BORA: variants seen among roughly 807,000 people sequenced by gnomAD.
The protein encoded by BORA is BORA aurora kinase A activator.
BORA carries 26 observed loss-of-function variants against 55.8 expected under a neutral mutation model. That is an observed-to-expected ratio of 0.47 (90% CI 0.34 to 0.65). The LOEUF is 0.65. Among genes scored for constraint, BORA ranks in the 30% least tolerant of loss-of-function variants. The pLI, the probability that BORA is intolerant of heterozygous loss-of-function variation, is 0.01. For missense variants in BORA, 568 were observed against 671.5 expected, an observed-to-expected ratio of 0.85 and a Z score of 1.70; for synonymous variants, 201 against 216.9, an observed-to-expected ratio of 0.93 and a Z score of 0.64.
At chr13:72,736,361 C>G (rs544982214) in intron 4 of BORA, among the ~76,000 whole-genome samples, 7 of 152,240 alleles carry the variant, frequency 4.6e-5, no homozygotes, top group African/African-American at 1.7e-4. Context: ...CCCCATCCCA[C>G]TTCATGAAGG....
chr13:72,739,866 T>C (rs964787553), intron 5 of BORA, among the ~76,000 whole-genome samples: 4 of 152,142 alleles, frequency 2.6e-5, no homozygotes, highest in Non-Finnish European at 5.9e-5. Flanking sequence ...AAGGGACCCA[T>C]GGGCCAACGC....
At chr13:72,728,085 C>G (rs775268690) in intron 1 of BORA, 78 bp downstream of exon 1, 104 of 1,537,716 alleles carry the variant, frequency 6.8e-5, no homozygotes, top group Non-Finnish European at 8.9e-5. Context: ...CCTGACTTGC[C>G]TGCCCGCTCG....
intron 5 of BORA, among the ~76,000 whole-genome samples, chr13:72,740,731 T>C (rs1171427605): frequency 6.6e-6 from 1 of 152,110 alleles, no homozygotes; most frequent in East Asian, 1.9e-4. Context: ...TGAATGTGAG[T>C]GTGTACCAGT....
At chr13:72,746,112 T>C (rs781473679) in intron 9 of BORA, 36 bp downstream of exon 9, 1 of 1,537,044 alleles carries the variant, frequency 6.5e-7, no homozygotes, top group Non-Finnish European at 8.9e-7. Context: ...TTAAAAGTTT[T>C]ATACTATCAA....
intron 5 of BORA, among the ~76,000 whole-genome samples, chr13:72,742,800 ACACACACACAC>A: frequency 7.1e-6 from 1 of 140,400 alleles, no homozygotes; most frequent in East Asian, 2.0e-4. Flanking sequence ...ACACACACAC[ACACACACACAC>A]AAAATGGAAT....
At chr13:72,746,144 T>A in intron 9 of BORA, 68 bp downstream of exon 9, 1 of 1,382,676 alleles carries the variant, frequency 7.2e-7, no homozygotes, top group Non-Finnish European at 1.0e-6. Context: ...AGAGAGGTTC[T>A]TTTAATTTGT....
chr13:72,753,663 A>G (rs772051230), intron 10 of BORA, 27 bp from the exon 11 acceptor site: 22 of 1,598,118 alleles, frequency 1.4e-5, no homozygotes, highest in East Asian at 9.0e-5. Context: ...TCCTCACAAT[A>G]TATTTTTTTC....
chr13:72,735,700 C>T (rs1164229269), intron 4 of BORA, among the ~76,000 whole-genome samples: 3 of 152,110 alleles, frequency 2.0e-5, no homozygotes, highest in African/African-American at 7.2e-5. Flanking sequence ...GTCTCCGCCT[C>T]CCAGGTTCAA....
intron 5 of BORA, among the ~76,000 whole-genome samples, chr13:72,738,828 CAT>C (rs1210811348): frequency 6.6e-6 from 1 of 152,142 alleles, no homozygotes; most frequent in Non-Finnish European, 1.5e-5. Context: ...TCTTATAACT[CAT>C]ATGAAGTAGG....
chr13:72,730,691 A>T (rs1326608915), intron 2 of BORA, among the ~76,000 whole-genome samples: 1 of 152,148 alleles, frequency 6.6e-6, no homozygotes. Context: ...TGAAAGTTTT[A>T]TATCTTTATT....
At chr13:72,751,556 G>GAGTATAGAATAGTGGTAGGT (rs1242330116) in intron 10 of BORA, among the ~76,000 whole-genome samples, 20 of 152,292 alleles carry the variant, frequency 1.3e-4, no homozygotes, top group Admixed American at 7.2e-4. Context: ...TTTCATAGAA[G>GAGTATAGAATAGTGGTAGGT]AGTATAGAAT....
At chr13:72,731,521 A>G (rs2032816240) in intron 3 of BORA, 134 bp downstream of exon 3, 1 of 676,960 alleles carries the variant, frequency 1.5e-6, no homozygotes, top group Non-Finnish European at 2.6e-6. Flanking sequence ...TTTTCTATCT[A>G]AATGAATGAG....
At position 72,747,128 on chromosome 13, in the gene BORA, T is replaced by G; in HGVS notation, c.1482+17T>G. 1 of 1,607,216 alleles carries G rather than the reference T, an allele frequency of 6.2e-7. No homozygotes were observed. Among genetic ancestry groups the G allele is most frequent in the Non-Finnish European group, 8.5e-7 (1 of 1,176,610 alleles). ...AACATTCAGGTAAGGTATTTAATAT[T>G]CTATAGCCCCTTCCTCACTGCCTTG... On this transcript the variant is annotated intron_variant, in intron 10 of 11. Coordinates refer to ENST00000390667, the MANE Select transcript of BORA (RefSeq NM_024808.5).
Position 72,745,173 on chromosome 13 carries a change from T to C in BORA, c.704T>C (p.Val235Ala). Residue 235 changes from valine to alanine, a missense_variant, in exon 8 of 12, where the codon GTA (valine) becomes GCA (alanine). By Grantham distance (64) the Val-to-Ala change is moderately conservative (BLOSUM62 0). Coordinates refer to ENST00000390667, the MANE Select transcript of BORA (RefSeq NM_024808.5). ...TTTTATTCAATAGATTTGTCTCCTGTAAAGTGTAGGAGCCCCTTGCAGACA... is the reference window on the plus strand; with the variant it reads ...TTTTATTCAATAGATTTGTCTCCTGCAAAGTGTAGGAGCCCCTTGCAGACA... ...EMFYSIDLSPVKCRSPLQTPS... is the reference protein window; with the variant it reads ...EMFYSIDLSPAKCRSPLQTPS... 6.2e-7 allele frequency: 1 copy of C among 1,614,070 alleles called. No individual in the cohort carries two copies. The highest frequency in any genetic ancestry group is 1.1e-5 in the South Asian group (1 of 91,084).
chr13:72,755,365 G>A lies in BORA; in HGVS notation c.*149G>A. Reference sequence around the variant, plus strand: ...TAATGTGAAAAATCAAGGGCTTACTGACATAGGAACAACAGAAATGCTCCT... The same window carrying A: ...TAATGTGAAAAATCAAGGGCTTACTAACATAGGAACAACAGAAATGCTCCT... On this transcript the variant is annotated 3_prime_UTR_variant, in exon 12 of 12. Coordinates refer to ENST00000390667, the MANE Select transcript of BORA (RefSeq NM_024808.5). 2 of 591,912 alleles carry A rather than the reference G, an allele frequency of 3.4e-6. No homozygotes were observed. The highest frequency in any genetic ancestry group is 2.5e-5 in the South Asian group (1 of 39,382). 36.7% of individuals were successfully genotyped at this position (591,912 alleles called of 1,614,324 possible).
At chr13:72,751,620 T>C (rs921944829) in intron 10 of BORA, among the ~76,000 whole-genome samples, 2 of 151,988 alleles carry the variant, frequency 1.3e-5, no homozygotes, top group South Asian at 2.1e-4. Context: ...TAGGGAGAGG[T>C]TGGTTAATGG....
At chr13:72,737,396 C>T (rs1253778330) in intron 4 of BORA, among the ~76,000 whole-genome samples, 1 of 152,148 alleles carries the variant, frequency 6.6e-6, no homozygotes, top group Non-Finnish European at 1.5e-5. Flanking sequence ...CATTATTAAC[C>T]TCAAGAGCAT....
chr13:72,746,521 C>G lies in BORA; in HGVS notation c.892C>G (p.His298Asp), dbSNP rs1248549197. The G allele has an allele frequency of 6.2e-7, 1 of 1,611,520 alleles. No homozygotes were observed. Among genetic ancestry groups the G allele is most frequent in the Non-Finnish European group, 8.5e-7 (1 of 1,178,292 alleles). Residue 298 changes from histidine (H) to aspartate (D), a missense_variant, in exon 10 of 12, where the codon CAT (histidine) becomes GAT (aspartate). Transcript: ENST00000390667. ...PLSEQRKFTV[H>D]SPDASSGTNS... ...TTCAGAACAAAGGAAGTTTACTGTTCATTCTCCTGATGCTTCATCTGGAAC... is the reference window on the plus strand; with the variant it reads ...TTCAGAACAAAGGAAGTTTACTGTTGATTCTCCTGATGCTTCATCTGGAAC...
At position 72,731,303 on chromosome 13, in the gene BORA, C is replaced by T; in HGVS notation, c.176C>T (p.Ser59Phe). 1 of 1,611,220 alleles carries T rather than the reference C, an allele frequency of 6.2e-7. No homozygotes were observed. ...KLPTPGKFRW[S>F]IDQLAVINPV... ...AAGACTCCAGGGAAATTTAGATGGT[C>T]TATTGATCAACTAGCTGTAATAAAT... The change falls in exon 3 of 12, where the codon TCT becomes TTT. Residue 59 changes from serine to phenylalanine, a missense_variant. Coordinates refer to ENST00000390667, the MANE Select transcript of BORA (RefSeq NM_024808.5).
Sources: gnomAD v4.1 joint callset for allele counts (sites outside exome capture counted in the v4.1 genomes callset) on GRCh38, gnomAD v4.1.1 for gene constraint, MANE v1.5 for transcripts, NCBI Gene and HGNC (gene_info 2026-07-23, HGNC 2026-07-21) for gene names.